LAMA2: variants seen among roughly 807,000 people sequenced by gnomAD.
The protein encoded by LAMA2 is laminin subunit alpha-2.
In LAMA2, 269 loss-of-function variants were observed where a neutral mutation model predicts 364.8. The ratio of observed to expected loss-of-function variants is 0.74; its 90% confidence interval spans 0.67 to 0.82. LAMA2 has a LOEUF of 0.82. Among genes scored for constraint, LAMA2 ranks in the 40% least tolerant of loss-of-function variants. The probability of loss-of-function intolerance (pLI) is 0.00; values close to 1 mark genes in which losing one functional copy is unlikely to be tolerated. For synonymous variants in LAMA2, 1,379 were observed against 1,370.6 expected (o/e 1.01, Z -0.14); for missense variants, 3,807 against 3,873.2 (o/e 0.98, Z 0.45).
intron 14 of LAMA2, 46 bp downstream of exon 14, chr6:129,252,341 G>T (rs777782654): frequency 2.0e-6 from 3 of 1,492,482 alleles, no homozygotes; most frequent in African/African-American, 2.8e-5. Flanking sequence ...TTTACTTTGG[G>T]GCCAAGGTGC....
intron 29 of LAMA2, among the ~76,000 whole-genome samples, chr6:129,335,457 T>C (rs900382257): frequency 3.9e-5 from 6 of 151,956 alleles, no homozygotes; most frequent in African/African-American, 1.4e-4. Context: ...TTATTTCTCC[T>C]ATTTTTTTTT....
chr6:129,327,709 T>C (rs1480299525), intron 28 of LAMA2, among the ~76,000 whole-genome samples: 2 of 152,208 alleles, frequency 1.3e-5, no homozygotes, highest in Non-Finnish European at 2.9e-5. Context: ...CAGATTTTTA[T>C]TGCAAAAAGA....
At chr6:129,010,498 G>A (rs1208730465) in intron 1 of LAMA2, among the ~76,000 whole-genome samples, 1 of 152,018 alleles carries the variant, frequency 6.6e-6, no homozygotes, top group African/African-American at 2.4e-5. Context: ...AAGAGAAAAG[G>A]GATTTAAAAA....
At chr6:129,350,970 T>C (rs998056286) in intron 31 of LAMA2, among the ~76,000 whole-genome samples, 1 of 152,158 alleles carries the variant, frequency 6.6e-6, no homozygotes, top group Admixed American at 6.6e-5. Context: ...AAATAACTCA[T>C]AGCAACACCA....
At chr6:129,237,710 T>G (rs1785088067) in intron 12 of LAMA2, among the ~76,000 whole-genome samples, 1 of 152,150 alleles carries the variant, frequency 6.6e-6, no homozygotes, top group Admixed American at 6.5e-5. Context: ...TGTCAAAGTA[T>G]ATATGCATTT....
intron 34 of LAMA2, 22 bp from the exon 35 acceptor site, chr6:129,383,099 GT>G (rs755215751): frequency 6.3e-7 from 1 of 1,589,364 alleles, no homozygotes; most frequent in African/African-American, 1.3e-5. Context: ...TTAATTATGT[GT>G]TTCCCGAATT....
At chr6:129,221,797 A>G (rs931157514) in intron 12 of LAMA2, among the ~76,000 whole-genome samples, 1 of 152,202 alleles carries the variant, frequency 6.6e-6, no homozygotes, top group Non-Finnish European at 1.5e-5. Context: ...AAGTGTTCAT[A>G]AAAGTACTGT....
chr6:129,394,443 T>G lies in LAMA2; in HGVS notation c.5445+1188T>G, dbSNP rs560297712. On this transcript the variant is annotated intron_variant, in intron 37 of 64. Transcript: ENST00000421865. Reference sequence around the variant, plus strand: ...AGAATTACATTTTTTTAATATATTTTATTTCCGTGTCCCTCTTCTGGGACT... The same window carrying G: ...AGAATTACATTTTTTTAATATATTTGATTTCCGTGTCCCTCTTCTGGGACT... Among the ~76,000 whole-genome samples the G allele has an allele frequency of 2.6e-5, 4 of 152,248 alleles. No homozygotes were observed. The South Asian group carries it at 8.3e-4, about 31-fold the overall frequency.
intron 3 of LAMA2, among the ~76,000 whole-genome samples, chr6:129,091,102 A>C (rs555767281): frequency 6.6e-6 from 1 of 152,196 alleles, no homozygotes; most frequent in African/African-American, 2.4e-5. Context: ...TAACATTTTC[A>C]TGAAAAAATG....
intron 11 of LAMA2, among the ~76,000 whole-genome samples, chr6:129,190,857 T>C (rs1322993761): frequency 6.6e-6 from 1 of 152,214 alleles, no homozygotes; most frequent in Admixed American, 6.5e-5. Context: ...TTTGAAAAAT[T>C]ATTACTTAAA....
intron 32 of LAMA2, among the ~76,000 whole-genome samples, chr6:129,353,808 C>T (rs1777002335): frequency 6.6e-6 from 1 of 152,156 alleles, no homozygotes; most frequent in Admixed American, 6.5e-5. Flanking sequence ...TTATGAAAAT[C>T]CATGGGCATA....
At chr6:129,159,017 A>G in intron 8 of LAMA2, 10 of 1,583,804 alleles carry the variant, frequency 6.3e-6, no homozygotes, top group Non-Finnish European at 8.7e-6. Context: ...GTCTGATTTC[A>G]TCCCAGTGCC....
At chr6:129,140,856 C>G (rs1175209045) in intron 4 of LAMA2, among the ~76,000 whole-genome samples, 1 of 152,086 alleles carries the variant, frequency 6.6e-6, no homozygotes, top group Non-Finnish European at 1.5e-5. Context: ...GATCTCTTGG[C>G]AGAGTAGCTT....
chr6:129,247,875 G>A (rs1027708775), intron 12 of LAMA2, among the ~76,000 whole-genome samples: 2 of 151,998 alleles, frequency 1.3e-5, no homozygotes, highest in African/African-American at 4.8e-5. Flanking sequence ...TTATATTATC[G>A]CTGACCTGCA....
At chr6:129,279,223 C>T (rs930588544) in intron 17 of LAMA2, among the ~76,000 whole-genome samples, 8 of 152,200 alleles carry the variant, frequency 5.3e-5, no homozygotes, top group South Asian at 2.1e-4. Flanking sequence ...CAGTCGAGAA[C>T]GCATTACCGT....
At chr6:129,224,415 T>C (rs1427114984) in intron 12 of LAMA2, among the ~76,000 whole-genome samples, 1 of 152,152 alleles carries the variant, frequency 6.6e-6, no homozygotes, top group African/African-American at 2.4e-5. Flanking sequence ...GGCATCCCTG[T>C]CTTGTGCCAG....
At position 129,039,620 on chromosome 6, in the gene LAMA2, C is replaced by T. The variant is rs1459770864; in HGVS notation, c.113-10298C>T. ...GACTAGGAAGGGCAGTGGTGCTCAA[C>T]CTGTTTGGCACCAGGGACCAGTTTT... On this transcript the variant is annotated intron_variant, in intron 1 of 64. Transcript: ENST00000421865. 5.3e-5 allele frequency among the ~76,000 whole-genome samples: 8 copies of T among 152,180 alleles called. 1 individual carries two copies. The highest frequency in any genetic ancestry group is 9.7e-5 in the African/African-American group (4 of 41,442).
intron 1 of LAMA2, among the ~76,000 whole-genome samples, chr6:128,963,708 T>G (rs1380916209): frequency 6.6e-6 from 1 of 152,102 alleles, no homozygotes; most frequent in Non-Finnish European, 1.5e-5. Flanking sequence ...TGGCCTTTCA[T>G]GTATGCTTTT....
intron 12 of LAMA2, among the ~76,000 whole-genome samples, chr6:129,208,676 AGAAG>A (rs149221317): frequency 0.25 from 35,882 of 142,776 alleles, 5,568 homozygotes; most frequent in African/African-American, 0.46. Context: ...AAAGAGAAAG[AGAAG>A]GAAAGAAAGA....
Sources: allele counts gnomAD v4.1 joint callset (sites outside exome capture counted in the v4.1 genomes callset), GRCh38; gene constraint gnomAD v4.1.1; transcripts MANE v1.5; gene names NCBI Gene and HGNC (gene_info 2026-07-23, HGNC 2026-07-21).